LRRK2: variants seen among roughly 807,000 people sequenced by gnomAD.
The protein encoded by LRRK2 is leucine rich repeat kinase 2.
LRRK2 carries 203 observed loss-of-function variants against 302.6 expected under a neutral mutation model. The observed-to-expected ratio is 0.67, with a 90% CI of 0.60 to 0.75. The LOEUF (loss-of-function observed/expected upper bound fraction) is 0.75, where lower values mean the gene tolerates loss of function less well. Ranked by LOEUF, LRRK2 falls within the 30% of genes least tolerant of loss-of-function variation. The pLI, the probability that LRRK2 is intolerant of heterozygous loss-of-function variation, is 0.00. For missense variants in LRRK2, 2,830 were observed against 2,951.0 expected (o/e 0.96, Z 0.95); for synonymous variants, 1,066 against 1,031.9 (o/e 1.03, Z -0.63).
At chr12:40,245,033 G>C (rs1021157376) in intron 7 of LRRK2, among the ~76,000 whole-genome samples, 1 of 144,806 alleles carries the variant, frequency 6.9e-6, no homozygotes, top group Non-Finnish European at 1.5e-5. Context: ...ACCTTCCCTT[G>C]ACTTGTAGCA....
At chr12:40,350,912 TATAAC>T (rs1180565654) in intron 43 of LRRK2, among the ~76,000 whole-genome samples, 5 of 152,204 alleles carry the variant, frequency 3.3e-5, no homozygotes, top group Admixed American at 6.5e-5. Context: ...ATGTTTAAAA[TATAAC>T]ATATACTAGG....
chr12:40,339,642 C>T (rs1945977534), intron 40 of LRRK2, among the ~76,000 whole-genome samples: 2 of 152,032 alleles, frequency 1.3e-5, no homozygotes, highest in Admixed American at 6.6e-5. Context: ...TCTTTTTTAA[C>T]CTTAATATCT....
rs763667610 is a variant in LRRK2, at chr12:40,310,591, A to C, written c.4478A>C (p.Glu1493Ala). Residue 1493 changes from glutamate (E) to alanine (A), a missense_variant, in exon 31 of 51, where the codon GAA becomes GCA. By Grantham distance (107) the Glu-to-Ala change is moderately radical. Around this residue, in one of 3 missense-constraint regions of LRRK2, gnomAD observed 2,121 missense variants for 2,148.0 expected, o/e 0.99. Coordinates refer to ENST00000298910, the MANE Select transcript of LRRK2 (RefSeq NM_198578.4). ...TACCACTTTGTGAATGCCACCGAGG[A>C]ATCTGATGCTTTGGCAAAACTTCGG... ...RDYHFVNATE[E>A]SDALAKLRKT... 20 of 1,612,430 alleles carry C rather than the reference A, an allele frequency of 1.2e-5. No individual in the cohort carries two copies. In the African/African-American group the frequency reaches 2.2e-4, roughly 17 times the overall value.
intron 3 of LRRK2, among the ~76,000 whole-genome samples, chr12:40,233,042 A>G (rs960177190): frequency 6.6e-6 from 1 of 152,200 alleles, no homozygotes; most frequent in African/African-American, 2.4e-5. Context: ...AGGAAAATAC[A>G]TTTTGGATAG....
intron 14 of LRRK2, among the ~76,000 whole-genome samples, chr12:40,267,810 T>C (rs1441082077): frequency 6.6e-6 from 1 of 152,168 alleles, no homozygotes; most frequent in Non-Finnish European, 1.5e-5. Context: ...GAGCAATTAC[T>C]GTAGCTCCAA....
chr12:40,244,762 T>G, intron 7 of LRRK2, among the ~76,000 whole-genome samples: 1 of 147,196 alleles, frequency 6.8e-6, no homozygotes. Context: ...AGGGATAGCA[T>G]TGGGAGATAT....
chr12:40,291,433 T>A (rs1320737496), intron 20 of LRRK2, among the ~76,000 whole-genome samples: 1 of 72,694 alleles, frequency 1.4e-5, no homozygotes, highest in Non-Finnish European at 3.4e-5. Context: ...TATAATAAAA[T>A]ATATATATAT....
Position 40,367,027 on chromosome 12 carries a change from TG to T in LRRK2, c.7414del (p.Val2472TyrfsTer22). 1 of 1,609,598 alleles carries T rather than the reference TG, an allele frequency of 6.2e-7. No individual in the cohort carries two copies. The highest frequency in any genetic ancestry group is 8.5e-7 in the Non-Finnish European group (1 of 1,176,932). ...AQLGSLKNVM[L>X]VLGYNRKNTE... ...AAAGGAAGCCTTAAAAATGTCATGC[TG>T]GTATTGGGCTACAACCGGAAAAATA... On this transcript the variant is annotated frameshift_variant, in exon 50 of 51. Coordinates refer to ENST00000298910, the MANE Select transcript of LRRK2 (RefSeq NM_198578.4). LOFTEE classifies it high-confidence loss of function.
At chr12:40,244,822 A>G (rs892969633) in intron 7 of LRRK2, among the ~76,000 whole-genome samples, 3 of 151,888 alleles carry the variant, frequency 2.0e-5, no homozygotes, top group Admixed American at 6.6e-5. Flanking sequence ...AACATGGCAC[A>G]TGTATACATA....
At chr12:40,291,439 T>C (rs548725028) in intron 20 of LRRK2, among the ~76,000 whole-genome samples, 18 of 149,868 alleles carry the variant, frequency 1.2e-4, no homozygotes, top group Admixed American at 7.4e-4. Flanking sequence ...AAAATATATA[T>C]ATATATATAT....
In LRRK2 at chr12:40,314,020, G is replaced by GA; in HGVS notation, c.4587dup (p.Leu1530ThrfsTer2). The GA allele has an allele frequency of 6.2e-7, 1 of 1,612,214 alleles. No homozygotes were observed. The highest frequency in any genetic ancestry group is 8.5e-7 in the Non-Finnish European group (1 of 1,178,856). On this transcript the variant is annotated frameshift_variant, in exon 32 of 51. Transcript: ENST00000298910. LOFTEE classifies it high-confidence loss of function. ...ACAGCTGATTCCAGACTGCTATGTA[G>GA]AACTTGAAAAAATCATTTTATCGGA...
rs778419270 is a variant in LRRK2 at position 40,320,153 on chromosome 12, G to C, written c.4993G>C (p.Glu1665Gln). ...KFQIALPIGE[E>Q]YLLVPSSLSD... ...CCAGATTGCTTTGCCAATAGGAGAA[G>C]AATATTTGCTGGTTCCAAGCAGGTA... is the stretch of plus-strand genomic sequence containing the variant. The change falls in exon 34 of 51, where the codon GAA becomes CAA. Residue 1665 changes from glutamate to glutamine, a missense_variant. Coordinates refer to ENST00000298910, the MANE Select transcript of LRRK2 (RefSeq NM_198578.4). The C allele has an allele frequency of 6.2e-7, 1 of 1,612,044 alleles. No homozygotes were observed.
intron 45 of LRRK2, among the ~76,000 whole-genome samples, 162 bp downstream of exon 45, chr12:40,354,654 T>C (rs1355289849): frequency 2.0e-5 from 3 of 152,222 alleles, no homozygotes; most frequent in Admixed American, 6.5e-5. Context: ...AGATATTTGT[T>C]GTTTTTCTGA....
chr12:40,308,688 AT>A lies in LRRK2; in HGVS notation c.4185del (p.Phe1395LeufsTer15). 2 of 1,613,530 alleles carry A rather than the reference AT, an allele frequency of 1.2e-6. No individual in the cohort carries two copies. Among genetic ancestry groups the A allele is most frequent in the Non-Finnish European group, 1.7e-6 (2 of 1,179,712 alleles). On this transcript the variant is annotated frameshift_variant, in exon 29 of 51. Transcript: ENST00000298910. LOFTEE classifies it high-confidence loss of function. The stretch of plus-strand genomic sequence containing the variant: ...AGAGATCTCGTCCTAAATGTGTGGG[AT>A]TTTGCAGGTATTTCTTTCTATAGAA... ...RKRDLVLNVW[D>X]FAGREEFYST...
chr12:40,238,555 A>G (rs1039121565), intron 5 of LRRK2, among the ~76,000 whole-genome samples: 2 of 152,162 alleles, frequency 1.3e-5, no homozygotes, highest in Non-Finnish European at 2.9e-5. Flanking sequence ...TGAGATTGAT[A>G]ACTGAGATTA....
chr12:40,356,447 A>G (rs558845317), intron 46 of LRRK2, among the ~76,000 whole-genome samples: 2 of 152,356 alleles, frequency 1.3e-5, no homozygotes, highest in African/African-American at 2.4e-5. Flanking sequence ...GAAATAATTC[A>G]ATTTGTACAT....
At chr12:40,315,070 A>G (rs1945170918) in intron 32 of LRRK2, 142 bp from the exon 33 acceptor site, 7 of 719,560 alleles carry the variant, frequency 9.7e-6, no homozygotes. Context: ...TAGGATGCAC[A>G]GCTTCTAGTC....
rs1946960682 is a variant in LRRK2 at position 40,369,057 on chromosome 12, A to G, written c.*1292A>G. The stretch of plus-strand genomic sequence containing the variant: ...ATGTGAAAACTTTAAATTTATTTAT[A>G]TTAAGGGTAATCAAATTCTTAAAGA... On this transcript the variant is annotated 3_prime_UTR_variant, in exon 51 of 51. Transcript: ENST00000298910. 1.3e-5 allele frequency: 2 copies of G among 151,808 alleles called. No individual in the cohort carries two copies. The highest frequency in any genetic ancestry group is 1.3e-4 in the Admixed American group (2 of 15,204). 9.4% of individuals were successfully genotyped at this position (151,808 alleles called of 1,614,324 possible).
intron 2 of LRRK2, among the ~76,000 whole-genome samples, chr12:40,227,079 C>T (rs17465751): frequency 0.021 from 3,218 of 152,134 alleles, 43 homozygotes; most frequent in Non-Finnish European, 0.03. Flanking sequence ...CATACTTGTC[C>T]GGAGTAGTTA....
Sources: allele counts gnomAD v4.1 joint callset (sites outside exome capture counted in the v4.1 genomes callset), GRCh38; gene constraint gnomAD v4.1.1; regional missense constraint gnomAD v4.1.1; transcripts MANE v1.5; gene names NCBI Gene and HGNC (gene_info 2026-07-23, HGNC 2026-07-21).